The following TRIO variants were observed in gnomAD, a reference collection of about 807,000 sequenced individuals.
TRIO encodes triple functional domain protein.
TRIO carries 58 observed loss-of-function variants against 351.9 expected under a neutral mutation model. The observed-to-expected ratio is 0.16, with a 90% CI of 0.13 to 0.21. TRIO has a LOEUF of 0.21. Ranked by LOEUF, TRIO falls within the 10% of genes least tolerant of loss-of-function variation. The pLI is 1.00. For missense variants in TRIO, 3,201 were observed against 4,027.8 expected (o/e 0.79, Z 5.56); for synonymous variants, 1,758 against 1,595.7 (o/e 1.10, Z -2.42).
chr5:14,297,345 T>G (rs1266182398), intron 7 of TRIO, 82 bp downstream of exon 7: 1 of 1,460,046 alleles, frequency 6.8e-7, no homozygotes, highest in African/African-American at 1.4e-5. Context: ...GTGCAAACAC[T>G]CTTGTGTAGC....
chr5:14,287,223 C>T (rs969754894), intron 4 of TRIO, 160 bp downstream of exon 4: 52 of 706,152 alleles, frequency 7.4e-5, no homozygotes, highest in Admixed American at 2.1e-4. Context: ...CATGAAATAA[C>T]AGAGCTGCGT....
At chr5:14,274,920 G>A (rs1409706822) in intron 2 of TRIO, among the ~76,000 whole-genome samples, 1 of 152,108 alleles carries the variant, frequency 6.6e-6, no homozygotes. Flanking sequence ...CCTGCCTCAG[G>A]TCTGGAATCA....
At chr5:14,399,649 C>G (rs900204973) in intron 30 of TRIO, among the ~76,000 whole-genome samples, 16 of 152,320 alleles carry the variant, frequency 1.1e-4, no homozygotes, top group Admixed American at 9.1e-4. Context: ...TCCGGTGATG[C>G]ATTTTAATTC....
At chr5:14,215,411 TTTA>T (rs1385385653) in intron 1 of TRIO, among the ~76,000 whole-genome samples, 1 of 152,220 alleles carries the variant, frequency 6.6e-6, no homozygotes, top group East Asian at 1.9e-4. Context: ...CTATCACAGT[TTTA>T]TTATGATTTT....
intron 15 of TRIO, 116 bp from the exon 16 acceptor site, chr5:14,366,744 G>C: frequency 6.8e-7 from 1 of 1,477,524 alleles, no homozygotes. Flanking sequence ...AGGCATCAGT[G>C]CCTCGTACCT....
chr5:14,183,257 T>C (rs1175409985), intron 1 of TRIO, among the ~76,000 whole-genome samples: 2 of 152,204 alleles, frequency 1.3e-5, no homozygotes, highest in Non-Finnish European at 2.9e-5. Context: ...ACTGCAGTTC[T>C]GTGGGACGTA....
chr5:14,390,771 T>C, intron 26 of TRIO, 130 bp from the exon 27 acceptor site: 3 of 732,118 alleles, frequency 4.1e-6, no homozygotes, highest in Non-Finnish European at 6.5e-6. Flanking sequence ...GTAGCTTTCT[T>C]TTTAAAATAG....
At chr5:14,227,135 G>C (rs1462080563) in intron 1 of TRIO, among the ~76,000 whole-genome samples, 1 of 152,192 alleles carries the variant, frequency 6.6e-6, no homozygotes, top group Non-Finnish European at 1.5e-5. Flanking sequence ...TTGTCAGCCA[G>C]GTTTGTCTTG....
chr5:14,343,786 G>C (rs1416634727), intron 11 of TRIO, among the ~76,000 whole-genome samples: 1 of 152,232 alleles, frequency 6.6e-6, no homozygotes, highest in African/African-American at 2.4e-5. Context: ...ATGCCCAGGA[G>C]TGCGTTTGCT....
rs1339356036 is a variant in TRIO at position 14,481,518 on chromosome 5, C to T, written c.6388-23C>T. ...TTCCCTAGAGGAACTTGAGCTTTCA[C>T]TCTTCTCTCTCCCCTCCCACAGAGA... On this transcript the variant is annotated intron_variant, in intron 44 of 56. Transcript: ENST00000344204. The T allele has an allele frequency of 3.1e-6, 5 of 1,613,470 alleles. No individual in the cohort carries two copies. The South Asian group carries it at 3.3e-5, about 11-fold the overall frequency.
At chr5:14,258,787 C>A (rs984863349) in intron 1 of TRIO, among the ~76,000 whole-genome samples, 5 of 152,270 alleles carry the variant, frequency 3.3e-5, no homozygotes, top group Middle Eastern at 3.4e-3. Context: ...CAGCAGTGGC[C>A]CAGGGGGATA....
At chr5:14,334,482 C>T (rs997255496) in intron 10 of TRIO, among the ~76,000 whole-genome samples, 8 of 152,264 alleles carry the variant, frequency 5.3e-5, no homozygotes, top group Admixed American at 6.5e-5. Context: ...TTGGAATAGA[C>T]GTGGGAAGGC....
At chr5:14,283,741 C>A (rs1307057848) in intron 3 of TRIO, among the ~76,000 whole-genome samples, 1 of 151,850 alleles carries the variant, frequency 6.6e-6, no homozygotes, top group Non-Finnish European at 1.5e-5. Flanking sequence ...GCTGGGGTCG[C>A]CCCTCCCTGC....
intron 1 of TRIO, among the ~76,000 whole-genome samples, chr5:14,217,392 T>C (rs912306487): frequency 1.3e-5 from 2 of 152,278 alleles, no homozygotes; most frequent in South Asian, 2.1e-4. Context: ...GTCCTGGCAC[T>C]AGTCCCCAGG....
At chr5:14,356,006 C>T (rs1182394150) in intron 11 of TRIO, among the ~76,000 whole-genome samples, 1 of 152,012 alleles carries the variant, frequency 6.6e-6, no homozygotes, top group Non-Finnish European at 1.5e-5. Flanking sequence ...AACTTAGACA[C>T]AAAAAATAGG....
intron 28 of TRIO, among the ~76,000 whole-genome samples, chr5:14,395,168 T>C (rs1747453425): frequency 1.3e-5 from 2 of 151,972 alleles, no homozygotes; most frequent in African/African-American, 4.8e-5. Context: ...AATAAGTAGC[T>C]ACATCGTTTT....
intron 28 of TRIO, 152 bp from the exon 29 acceptor site, chr5:14,396,891 G>A (rs1747647414): frequency 1.6e-6 from 1 of 633,638 alleles, no homozygotes; most frequent in African/African-American, 1.8e-5. Context: ...GAATAAAGAG[G>A]TAGTAGTTTA....
At chr5:14,230,693 T>C (rs1462594000) in intron 1 of TRIO, among the ~76,000 whole-genome samples, 3 of 152,196 alleles carry the variant, frequency 2.0e-5, no homozygotes, top group Admixed American at 1.3e-4. Flanking sequence ...GGCCCCATTT[T>C]ATTTGGTCAT....
At chr5:14,241,027 C>A (rs1487873784) in intron 1 of TRIO, among the ~76,000 whole-genome samples, 1 of 152,102 alleles carries the variant, frequency 6.6e-6, no homozygotes, top group Non-Finnish European at 1.5e-5. Flanking sequence ...AGGGAAATAG[C>A]ATTGTATGTC....
Sources: allele counts gnomAD v4.1 joint callset (sites outside exome capture counted in the v4.1 genomes callset), GRCh38; gene constraint gnomAD v4.1.1; transcripts MANE v1.5; gene names NCBI Gene and HGNC (gene_info 2026-07-23, HGNC 2026-07-21).